The following NR6A1 variants were observed in gnomAD, a reference collection of about 807,000 sequenced individuals.
NR6A1 encodes the protein retinoic acid receptor-related testis-associated receptor.
A neutral mutation model predicts 59.1 loss-of-function variants in NR6A1; 7 were observed. That is an observed-to-expected ratio of 0.12 (90% CI 0.07 to 0.22). The LOEUF (loss-of-function observed/expected upper bound fraction) is 0.22. NR6A1 is among the 10% of genes least tolerant of loss of function. The probability of loss-of-function intolerance (pLI) is 1.00; values close to 1 mark genes in which losing one functional copy is unlikely to be tolerated. For missense variants in NR6A1, 468 were observed against 611.6 expected, an observed-to-expected ratio of 0.77 and a Z score of 2.48; for synonymous variants, 243 against 236.1, an observed-to-expected ratio of 1.03 and a Z score of -0.27.
chr9:124,610,843 C>A (rs907337122), intron 2 of NR6A1, among the ~76,000 whole-genome samples: 5 of 152,038 alleles, frequency 3.3e-5, no homozygotes, highest in Admixed American at 3.3e-4. Context: ...GTGTATGTGT[C>A]CAGGAATTTA....
At chr9:124,686,335 A>G (rs970529074) in intron 2 of NR6A1, among the ~76,000 whole-genome samples, 3 of 152,204 alleles carry the variant, frequency 2.0e-5, no homozygotes, top group African/African-American at 4.8e-5. Flanking sequence ...GTTGTTGCAA[A>G]ACACACGCCT....
chr9:124,768,419 A>G (rs922581571), intron 1 of NR6A1, among the ~76,000 whole-genome samples: 1 of 152,246 alleles, frequency 6.6e-6, no homozygotes, highest in Non-Finnish European at 1.5e-5. Flanking sequence ...ATTTTTGGCA[A>G]TTCTTCTGTG....
intron 2 of NR6A1, among the ~76,000 whole-genome samples, chr9:124,634,644 AC>A (rs1836546188): frequency 6.6e-6 from 1 of 152,040 alleles, no homozygotes; most frequent in African/African-American, 2.4e-5. Flanking sequence ...ACACGGTGAA[AC>A]CCCGTCTCTA....
intron 2 of NR6A1, among the ~76,000 whole-genome samples, chr9:124,647,564 C>T (rs900024081): frequency 1.3e-5 from 2 of 151,676 alleles, no homozygotes; most frequent in Non-Finnish European, 2.9e-5. Flanking sequence ...CCCATCTGTA[C>T]TAAAAATACA....
At chr9:124,574,311 C>T (rs1834529589) in intron 2 of NR6A1, among the ~76,000 whole-genome samples, 1 of 152,134 alleles carries the variant, frequency 6.6e-6, no homozygotes, top group Non-Finnish European at 1.5e-5. Context: ...GTCACACTTG[C>T]TAGATACCAC....
chr9:124,760,316 A>T (rs533091292), intron 1 of NR6A1, among the ~76,000 whole-genome samples: 97 of 152,054 alleles, frequency 6.4e-4, no homozygotes, highest in African/African-American at 2.1e-3. Flanking sequence ...CAACTAAAAA[A>T]AAATAAATAA....
chr9:124,651,712 T>G (rs918059826), intron 2 of NR6A1, among the ~76,000 whole-genome samples: 4 of 152,200 alleles, frequency 2.6e-5, no homozygotes, highest in Admixed American at 6.5e-5. Context: ...CCTCATTACA[T>G]ATCTAAAGAA....
chr9:124,679,827 G>A (rs1247324771), intron 2 of NR6A1, among the ~76,000 whole-genome samples: 2 of 151,646 alleles, frequency 1.3e-5, no homozygotes, highest in Non-Finnish European at 2.9e-5. Flanking sequence ...AACCAGGGAG[G>A]TGGTGGTTGC....
intron 2 of NR6A1, among the ~76,000 whole-genome samples, chr9:124,640,872 T>C (rs1348773610): frequency 6.6e-6 from 1 of 152,206 alleles, no homozygotes; most frequent in Non-Finnish European, 1.5e-5. Context: ...CCTAATTCTA[T>C]AAATGGGCTT....
At chr9:124,546,098 A>G (rs1358263019) in intron 3 of NR6A1, among the ~76,000 whole-genome samples, 1 of 152,240 alleles carries the variant, frequency 6.6e-6, no homozygotes, top group African/African-American at 2.4e-5. Context: ...CTGGGCAACA[A>G]GAGCAAAACT....
intron 1 of NR6A1, among the ~76,000 whole-genome samples, chr9:124,756,120 C>T (rs1588857445): frequency 6.6e-6 from 1 of 152,086 alleles, no homozygotes; most frequent in Non-Finnish European, 1.5e-5. Flanking sequence ...CAATGTACAC[C>T]CAAGGCTACG....
chr9:124,635,448 C>G (rs148849918), intron 2 of NR6A1, among the ~76,000 whole-genome samples: 9 of 152,336 alleles, frequency 5.9e-5, no homozygotes, highest in African/African-American at 1.9e-4. Context: ...CCCTTTCACT[C>G]TGCATTCATT....
At chr9:124,563,737 G>A (rs973870975) in intron 2 of NR6A1, among the ~76,000 whole-genome samples, 44 of 152,146 alleles carry the variant, frequency 2.9e-4, no homozygotes, top group African/African-American at 1.1e-3. Flanking sequence ...AGTAGAAACA[G>A]TACTTCCAAT....
chr9:124,539,429 T>C (rs1469902382), intron 5 of NR6A1, among the ~76,000 whole-genome samples: 2 of 152,162 alleles, frequency 1.3e-5, no homozygotes, highest in Non-Finnish European at 2.9e-5. Flanking sequence ...GCTGAAAATA[T>C]TTACTATCTG....
chr9:124,597,836 C>A (rs868816201), intron 2 of NR6A1, among the ~76,000 whole-genome samples: 3 of 152,144 alleles, frequency 2.0e-5, no homozygotes, highest in Non-Finnish European at 1.5e-5. Flanking sequence ...AAGATGAACT[C>A]TAAATCTTAT....
chr9:124,671,388 G>T (rs1176228535), intron 2 of NR6A1, among the ~76,000 whole-genome samples: 1 of 152,020 alleles, frequency 6.6e-6, no homozygotes, highest in Admixed American at 6.6e-5. Context: ...ATCACCAAAT[G>T]GTATCTGATT....
At chr9:124,745,392 C>G (rs1262941343) in intron 1 of NR6A1, among the ~76,000 whole-genome samples, 7 of 152,146 alleles carry the variant, frequency 4.6e-5, no homozygotes, top group African/African-American at 7.2e-5. Flanking sequence ...AAAATCCTGG[C>G]AGGGCACAGC....
At chr9:124,724,439 A>T (rs1179926586) in intron 2 of NR6A1, among the ~76,000 whole-genome samples, 1 of 152,102 alleles carries the variant, frequency 6.6e-6, no homozygotes, top group Non-Finnish European at 1.5e-5. Flanking sequence ...GAAAAAAAAA[A>T]ACCACACAGC....
intron 2 of NR6A1, among the ~76,000 whole-genome samples, chr9:124,634,019 T>C (rs1373247322): frequency 1.3e-5 from 2 of 152,228 alleles, no homozygotes; most frequent in African/African-American, 4.8e-5. Flanking sequence ...CCTCTTGACT[T>C]AATATATGTT....
Sources: allele counts gnomAD v4.1 joint callset (sites outside exome capture counted in the v4.1 genomes callset), GRCh38; gene constraint gnomAD v4.1.1; transcripts MANE v1.5; gene names NCBI Gene and HGNC (gene_info 2026-07-23, HGNC 2026-07-21).